PRORP: variants seen among roughly 807,000 people sequenced by gnomAD.
The protein encoded by PRORP is protein only RNase P catalytic subunit, also known as mitochondrial ribonuclease P catalytic subunit.
PRORP carries 51 observed loss-of-function variants against 59.4 expected under a neutral mutation model. That is an observed-to-expected ratio of 0.86 (90% CI 0.69 to 1.08). PRORP has a LOEUF of 1.08. Ranked by LOEUF, PRORP falls within the 50% of genes least tolerant of loss-of-function variation. The probability of loss-of-function intolerance (pLI) is 0.00; values close to 1 mark genes in which losing one functional copy is unlikely to be tolerated. For synonymous variants in PRORP, 231 were observed against 245.6 expected (o/e 0.94, Z 0.55); for missense variants, 646 against 690.3 (o/e 0.94, Z 0.72).
intron 7 of PRORP, among the ~76,000 whole-genome samples, chr14:35,272,000 T>TG (rs1281440859): frequency 6.7e-6 from 1 of 150,268 alleles, no homozygotes. Context: ...CTATCCAGCC[T>TG]GGGTGACAGA....
At chr14:35,224,296 A>G (rs1272781311) in intron 5 of PRORP, among the ~76,000 whole-genome samples, 1 of 152,216 alleles carries the variant, frequency 6.6e-6, no homozygotes, top group Non-Finnish European at 1.5e-5. Flanking sequence ...CTTAAATCAG[A>G]TAAGTATCTA....
chr14:35,255,197 G>A (rs1366877371), intron 5 of PRORP, among the ~76,000 whole-genome samples: 5 of 151,952 alleles, frequency 3.3e-5, no homozygotes, highest in East Asian at 1.9e-4. Flanking sequence ...GCGTGATCTC[G>A]GCTCACTGCA....
At chr14:35,239,231 G>A (rs2050297942) in intron 5 of PRORP, among the ~76,000 whole-genome samples, 1 of 151,928 alleles carries the variant, frequency 6.6e-6, no homozygotes, top group Non-Finnish European at 1.5e-5. Flanking sequence ...GGTGGCAGGT[G>A]CCTGTAATCC....
chr14:35,201,036 A>G (rs1055512211), intron 5 of PRORP, among the ~76,000 whole-genome samples: 3 of 152,220 alleles, frequency 2.0e-5, no homozygotes, highest in African/African-American at 7.2e-5. Context: ...AATAATGGTC[A>G]AATATTTTGT....
chr14:35,173,917 C>G (rs2048380341), intron 4 of PRORP, among the ~76,000 whole-genome samples: 1 of 151,984 alleles, frequency 6.6e-6, no homozygotes, highest in Non-Finnish European at 1.5e-5. Context: ...GTGATTGATG[C>G]TAGCTGGCTG....
intron 6 of PRORP, among the ~76,000 whole-genome samples, chr14:35,268,342 CAAA>C (rs769701565): frequency 3.9e-5 from 2 of 50,888 alleles, no homozygotes; most frequent in South Asian, 7.6e-4. Context: ...GAGACTGTCT[CAAA>C]AAAAAAAAAA....
At chr14:35,132,834 G>A (rs2047282309) in intron 4 of PRORP, among the ~76,000 whole-genome samples, 1 of 151,458 alleles carries the variant, frequency 6.6e-6, no homozygotes, top group Non-Finnish European at 1.5e-5. Context: ...GCAAAGCAAA[G>A]GAAAGGGAAG....
At chr14:35,272,937 G>A (rs965429913) in intron 7 of PRORP, among the ~76,000 whole-genome samples, 3 of 152,142 alleles carry the variant, frequency 2.0e-5, no homozygotes, top group African/African-American at 7.2e-5. Context: ...CTAATACAAT[G>A]TAAATGCTAT....
intron 7 of PRORP, among the ~76,000 whole-genome samples, chr14:35,272,257 G>A (rs1255203691): frequency 6.6e-6 from 1 of 152,180 alleles, no homozygotes; most frequent in African/African-American, 2.4e-5. Context: ...TACAATGTAT[G>A]CATATTTCAA....
chr14:35,136,187 T>G (rs1480096123), intron 4 of PRORP, among the ~76,000 whole-genome samples: 1 of 151,930 alleles, frequency 6.6e-6, no homozygotes, highest in African/African-American at 2.4e-5. Context: ...AGATAAAAAT[T>G]TCACCATTTG....
intron 5 of PRORP, among the ~76,000 whole-genome samples, chr14:35,216,153 A>G (rs552461772): frequency 7.4e-5 from 11 of 148,240 alleles, no homozygotes; most frequent in African/African-American, 2.7e-4. Flanking sequence ...TAATACATTT[A>G]TATTAGAGAG....
chr14:35,212,210 CTGAATTTT>C (rs985325069), intron 5 of PRORP, among the ~76,000 whole-genome samples: 1 of 152,216 alleles, frequency 6.6e-6, no homozygotes, highest in Non-Finnish European at 1.5e-5. Flanking sequence ...ACTTCCTCCA[CTGAATTTT>C]TTAATCCCAC....
chr14:35,176,300 G>A (rs1467939860), intron 4 of PRORP, among the ~76,000 whole-genome samples: 1 of 152,090 alleles, frequency 6.6e-6, no homozygotes, highest in Non-Finnish European at 1.5e-5. Context: ...AGCTTGATGG[G>A]GATGGCATTG....
intron 5 of PRORP, among the ~76,000 whole-genome samples, chr14:35,239,409 T>G (rs2050304113): frequency 6.6e-6 from 1 of 151,798 alleles, no homozygotes; most frequent in Admixed American, 6.6e-5. Context: ...TCCAGAGATG[T>G]CTGCTTCCCT....
intron 5 of PRORP, among the ~76,000 whole-genome samples, chr14:35,240,361 G>A (rs1222586286): frequency 9.8e-6 from 1 of 102,052 alleles, no homozygotes; most frequent in Non-Finnish European, 1.9e-5. Flanking sequence ...GTTTGTTTAC[G>A]CCCATCCATA....
At chr14:35,237,649 C>T (rs1181473134) in intron 5 of PRORP, among the ~76,000 whole-genome samples, 1 of 151,920 alleles carries the variant, frequency 6.6e-6, no homozygotes, top group African/African-American at 2.4e-5. Flanking sequence ...TTTGCCTTTT[C>T]ACCTTCTTAA....
rs1483289344 is a variant in PRORP, at chr14:35,123,732, G to T, written c.487G>T (p.Ala163Ser). The T allele has an allele frequency of 2.5e-6, 4 of 1,614,218 alleles. No homozygotes were observed. The South Asian group carries it at 4.4e-5, about 18-fold the overall frequency. The change falls in exon 2 of 8, where the codon GCA becomes TCA. Residue 163 changes from alanine (A) to serine (S), a missense_variant. By Grantham distance (99) the Ala-to-Ser change is moderately conservative. Coordinates refer to ENST00000534898, the MANE Select transcript of PRORP (RefSeq NM_014672.4). ...SSIDVAKSLL[A>S]WVAAKNNGIV... Reference sequence around the variant, plus strand: ...TATAGATGTGGCTAAATCTCTGCTGGCATGGGTAGCAGCCAAAAATAATGG... The same window carrying T: ...TATAGATGTGGCTAAATCTCTGCTGTCATGGGTAGCAGCCAAAAATAATGG...
intron 5 of PRORP, among the ~76,000 whole-genome samples, chr14:35,244,480 GA>G (rs2050437288): frequency 6.6e-6 from 1 of 151,084 alleles, no homozygotes; most frequent in African/African-American, 2.4e-5. Context: ...TGCACATGGG[GA>G]AACTTAGGCT....
chr14:35,127,235 A>T (rs78537249), intron 3 of PRORP, among the ~76,000 whole-genome samples: 6,077 of 152,168 alleles, frequency 0.04, 360 homozygotes, highest in Admixed American at 0.17. Context: ...CACTAAAAAT[A>T]CAAGACCCTG....
Sources: gnomAD v4.1 joint callset for allele counts (sites outside exome capture counted in the v4.1 genomes callset) on GRCh38, gnomAD v4.1.1 for gene constraint, MANE v1.5 for transcripts, NCBI Gene and HGNC (gene_info 2026-07-23, HGNC 2026-07-21) for gene names.